Variants in SGCZ observed in about 807,000 individuals in gnomAD.
SGCZ encodes the protein sarcoglycan zeta, also known as zeta-sarcoglycan.
A neutral mutation model predicts 41.3 loss-of-function variants in SGCZ; 40 were observed. The ratio of observed to expected loss-of-function variants is 0.97; its 90% CI spans 0.75 to 1.26. The LOEUF (loss-of-function observed/expected upper bound fraction) is 1.26, where lower values mean the gene tolerates loss of function less well. Ranked by LOEUF, SGCZ falls within the 50% of genes most tolerant of loss-of-function variation. SGCZ has a pLI of 0.00. For missense variants in SGCZ, 552 were observed against 369.8 expected, an observed-to-expected ratio of 1.49 and a Z score of -4.04; for synonymous variants, 206 against 137.5, an observed-to-expected ratio of 1.50 and a Z score of -3.49.
At chr8:14,116,492 C>G (rs1184556092) in intron 5 of SGCZ, among the ~76,000 whole-genome samples, 1 of 152,038 alleles carries the variant, frequency 6.6e-6, no homozygotes, top group African/African-American at 2.4e-5. Context: ...TACTAATAAC[C>G]AGGTTTTACA....
At chr8:15,207,466 A>C (rs1801103586) in intron 1 of SGCZ, among the ~76,000 whole-genome samples, 1 of 152,206 alleles carries the variant, frequency 6.6e-6, no homozygotes, top group African/African-American at 2.4e-5. Context: ...AAACAGCAGA[A>C]GGATGAAAAG....
intron 1 of SGCZ, among the ~76,000 whole-genome samples, chr8:14,836,612 C>T (rs1484521898): frequency 6.6e-6 from 1 of 152,178 alleles, no homozygotes; most frequent in Non-Finnish European, 1.5e-5. Flanking sequence ...GCTTCTCGTG[C>T]CTCAGCCACC....
chr8:14,326,363 A>G (rs1378571838), intron 2 of SGCZ, among the ~76,000 whole-genome samples: 3 of 152,088 alleles, frequency 2.0e-5, no homozygotes, highest in Non-Finnish European at 2.9e-5. Context: ...TAACATTATG[A>G]TATCAGCAAC....
chr8:14,754,867 G>A (rs945403433), intron 1 of SGCZ, among the ~76,000 whole-genome samples: 3 of 151,984 alleles, frequency 2.0e-5, no homozygotes, highest in African/African-American at 7.2e-5. Flanking sequence ...GACTATAGGT[G>A]TGCACCACCA....
At chr8:14,325,468 T>C (rs1273500271) in intron 2 of SGCZ, among the ~76,000 whole-genome samples, 4 of 148,466 alleles carry the variant, frequency 2.7e-5, no homozygotes, top group African/African-American at 9.8e-5. Flanking sequence ...ATTGGTTATA[T>C]ATATATAAAA....
chr8:14,488,489 C>T (rs1426291541), intron 2 of SGCZ, among the ~76,000 whole-genome samples: 1 of 151,808 alleles, frequency 6.6e-6, no homozygotes, highest in Non-Finnish European at 1.5e-5. Context: ...AATAAAGTTG[C>T]AATTGCCCCT....
chr8:14,973,142 T>C (rs943966845), intron 1 of SGCZ, among the ~76,000 whole-genome samples: 6 of 152,208 alleles, frequency 3.9e-5, no homozygotes, highest in African/African-American at 1.2e-4. Flanking sequence ...TGTCCATTTA[T>C]TCTCTGACCC....
intron 1 of SGCZ, among the ~76,000 whole-genome samples, chr8:15,166,874 AT>A (rs1339077138): frequency 6.6e-6 from 1 of 152,296 alleles, no homozygotes; most frequent in East Asian, 1.9e-4. Flanking sequence ...TAACATTGGA[AT>A]AAAGGAAAAT....
intron 2 of SGCZ, among the ~76,000 whole-genome samples, chr8:14,339,405 T>G (rs1585382434): frequency 6.6e-6 from 1 of 152,192 alleles, no homozygotes; most frequent in Admixed American, 6.6e-5. Context: ...GACAAAACTC[T>G]TAGGACACAA....
intron 1 of SGCZ, among the ~76,000 whole-genome samples, chr8:14,600,431 G>A (rs1805553830): frequency 6.6e-6 from 1 of 152,134 alleles, no homozygotes; most frequent in Non-Finnish European, 1.5e-5. Context: ...TCCTCCTGCA[G>A]AGATTATTCT....
At position 15,237,968 on chromosome 8, in the gene SGCZ, C is replaced by T. The variant is rs1415925214; in HGVS notation, c.-345G>A. On this transcript the variant is annotated 5_prime_UTR_variant, in exon 1 of 8. Coordinates refer to ENST00000382080, the MANE Select transcript of SGCZ (RefSeq NM_139167.4). ...TTCTTCTTCTGCAATAAGCTTAGAA[C>T]CCAGCGAATTGCTGCATCCCGAGAA... is the stretch of plus-strand genomic sequence containing the variant. 1.9e-5 allele frequency: 4 copies of T among 212,842 alleles called. No individual in the cohort carries two copies. The highest frequency in any genetic ancestry group is 3.8e-5 in the Non-Finnish European group (4 of 106,212). 13.2% of individuals were successfully genotyped at this position (212,842 alleles called of 1,614,324 possible). A position where few individuals can be genotyped will look rare whatever the true frequency, so the allele number is the denominator to read the frequency against.
At chr8:14,248,232 T>C (rs2117199075) in intron 3 of SGCZ, among the ~76,000 whole-genome samples, 1 of 152,330 alleles carries the variant, frequency 6.6e-6, no homozygotes. Context: ...TTCATTTCTG[T>C]AGTATTGCAT....
intron 1 of SGCZ, among the ~76,000 whole-genome samples, chr8:15,148,813 T>A (rs2117013198): frequency 6.6e-6 from 1 of 152,196 alleles, no homozygotes; most frequent in East Asian, 1.9e-4. Flanking sequence ...AATTCCAACA[T>A]ATTAACTGCC....
At chr8:15,202,042 C>T (rs1307991004) in intron 1 of SGCZ, among the ~76,000 whole-genome samples, 4 of 152,136 alleles carry the variant, frequency 2.6e-5, no homozygotes, top group Admixed American at 2.0e-4. Flanking sequence ...TCAACCACTC[C>T]TGATTCTATT....
chr8:14,338,138 A>G (rs1042787724), intron 2 of SGCZ, among the ~76,000 whole-genome samples: 1 of 152,166 alleles, frequency 6.6e-6, no homozygotes, highest in Non-Finnish European at 1.5e-5. Flanking sequence ...CAGTTTTTGG[A>G]CCCAGAAGCT....
chr8:14,984,789 G>T (rs576160874), intron 1 of SGCZ, among the ~76,000 whole-genome samples: 10 of 152,164 alleles, frequency 6.6e-5, no homozygotes, highest in South Asian at 4.1e-4. Context: ...CTTTGGCAGG[G>T]TATATTTATA....
intron 2 of SGCZ, among the ~76,000 whole-genome samples, chr8:14,469,396 C>A (rs1465809366): frequency 3.3e-5 from 5 of 152,122 alleles, no homozygotes; most frequent in Non-Finnish European, 7.4e-5. Context: ...CAATCCCTCT[C>A]ACATATGCAT....
Position 14,157,365 on chromosome 8 carries a change from AGTGT to A in SGCZ, c.547+7211_547+7214del, listed in dbSNP as rs1276673001. ...GTGTGTGTGTGTGTGTGTGTGTGTG[AGTGT>A]GTGTGTGTGTGTGTGTGTGTGTGTA... On this transcript the variant is annotated intron_variant, in intron 5 of 7. Transcript: ENST00000382080. Among the ~76,000 whole-genome samples the A allele has an allele frequency of 6.9e-4, 62 of 89,426 alleles. 1 individual carries two copies. In the East Asian group the frequency reaches 0.016, roughly 23 times the overall value. 58.7% of individuals were successfully genotyped at this position (89,426 alleles called of 152,430 possible). A position where few individuals can be genotyped will look rare whatever the true frequency, so the allele number is the denominator to read the frequency against.
chr8:14,674,977 C>CGTCCA (rs962095148), intron 1 of SGCZ, among the ~76,000 whole-genome samples: 1 of 111,612 alleles, frequency 9.0e-6, no homozygotes, highest in Non-Finnish European at 1.7e-5. Flanking sequence ...CTCCCTCTGT[C>CGTCCA]GTCCAGGCTG....
Sources: gnomAD v4.1 joint callset for allele counts (sites outside exome capture counted in the v4.1 genomes callset) on GRCh38, gnomAD v4.1.1 for gene constraint, MANE v1.5 for transcripts, NCBI Gene and HGNC (gene_info 2026-07-23, HGNC 2026-07-21) for gene names.